DGKG: variants seen among roughly 807,000 people sequenced by gnomAD.
DGKG encodes diacylglycerol kinase gamma, also known as DAG kinase gamma.
Under a neutral mutation model 105.3 loss-of-function variants are expected in DGKG, and 78 were observed. That is an observed-to-expected ratio of 0.74 (90% CI 0.62 to 0.89). The LOEUF is 0.89. DGKG is among the 40% of genes least tolerant of loss of function. DGKG has a pLI of 0.00. For synonymous variants in DGKG, 346 were observed against 367.1 expected (o/e 0.94, Z 0.66); for missense variants, 958 against 1,020.1 (o/e 0.94, Z 0.83).
intron 11 of DGKG, among the ~76,000 whole-genome samples, chr3:186,270,340 G>C (rs1007580830): frequency 6.6e-5 from 10 of 152,246 alleles, no homozygotes; most frequent in Admixed American, 6.5e-4. Flanking sequence ...ATGTTGCCCC[G>C]GCTGGTCTCA....
intron 3 of DGKG, among the ~76,000 whole-genome samples, chr3:186,305,605 A>G (rs949771514): frequency 2.0e-5 from 3 of 152,196 alleles, no homozygotes; most frequent in Admixed American, 1.3e-4. Flanking sequence ...ATGTGTGTGA[A>G]GAATAGACTG....
At chr3:186,241,214 G>A (rs1720669364) in intron 20 of DGKG, among the ~76,000 whole-genome samples, 1 of 152,120 alleles carries the variant, frequency 6.6e-6, no homozygotes, top group South Asian at 2.1e-4. Flanking sequence ...AATGGCCAGT[G>A]ATGAAAATGA....
At chr3:186,275,213 C>T (rs1321589981) in intron 10 of DGKG, among the ~76,000 whole-genome samples, 3 of 152,162 alleles carry the variant, frequency 2.0e-5, no homozygotes, top group African/African-American at 7.2e-5. Context: ...AATAAGTTTC[C>T]TCTGAACATA....
intron 20 of DGKG, among the ~76,000 whole-genome samples, chr3:186,220,592 C>G (rs1215852039): frequency 2.0e-5 from 3 of 152,194 alleles, no homozygotes; most frequent in Non-Finnish European, 2.9e-5. Context: ...TGCCTGTGAG[C>G]TGGGTTTACT....
rs1306886682 is a variant in DGKG at position 186,149,976 on chromosome 3, G to A, written c.*114C>T. The A allele has an allele frequency of 2.8e-6, 4 of 1,454,224 alleles. No individual in the cohort carries two copies. In the East Asian group the frequency reaches 7.6e-5, roughly 28 times the overall value. The allele number at this position is 1,454,224 out of a possible 1,614,324, so 90.1% of individuals were successfully genotyped here. A position where few individuals can be genotyped will look rare whatever the true frequency, so the allele number is the denominator to read the frequency against. On this transcript the variant is annotated 3_prime_UTR_variant, in exon 25 of 25. Transcript: ENST00000265022. ...GGCTTTGCTTCCACTGGTTAGAGAA[G>A]AGTGTGTATGTGTGTGTGTGTGTGC... is the stretch of plus-strand genomic sequence containing the variant.
At chr3:186,256,695 C>T (rs1002550649) in intron 17 of DGKG, among the ~76,000 whole-genome samples, 5 of 152,220 alleles carry the variant, frequency 3.3e-5, no homozygotes, top group Admixed American at 6.5e-5. Context: ...TAGCTTTTCT[C>T]GAATCCACTC....
rs949852805 is a variant in DGKG at position 186,284,475 on chromosome 3, C to T, written c.594+185G>A. On this transcript the variant is annotated intron_variant, in intron 7 of 24. Transcript: ENST00000265022. This position sits in a 1 kb window ranked among gnomAD's most constrained non-coding sequence, Gnocchi z 4.0. ...GCGAAAAGGTAAGTTGGCATTCACG[C>T]TCTGCAAGGCCGGCCCTTTGGAAAT... Among the ~76,000 whole-genome samples, 10 of 152,182 alleles carry T rather than the reference C, an allele frequency of 6.6e-5. No individual in the cohort carries two copies. The highest frequency in any genetic ancestry group is 2.4e-4 in the African/African-American group (10 of 41,446).
At chr3:186,283,396 G>A (rs954825455) in intron 7 of DGKG, among the ~76,000 whole-genome samples, 14 of 151,844 alleles carry the variant, frequency 9.2e-5, no homozygotes, top group South Asian at 4.2e-4. Flanking sequence ...CAGGACCCTC[G>A]CACTCACTGT....
intron 5 of DGKG, among the ~76,000 whole-genome samples, chr3:186,291,834 G>A (rs1267038254): frequency 6.6e-6 from 1 of 152,098 alleles, no homozygotes; most frequent in African/African-American, 2.4e-5. Context: ...TAGTTTTACA[G>A]GTATATACGT....
At chr3:186,219,559 G>A (rs1046291814) in intron 20 of DGKG, among the ~76,000 whole-genome samples, 4 of 152,172 alleles carry the variant, frequency 2.6e-5, no homozygotes, top group African/African-American at 2.4e-5. Flanking sequence ...GTGTTGGCTC[G>A]ATGTGTTTCA....
intron 2 of DGKG, among the ~76,000 whole-genome samples, chr3:186,308,048 C>T (rs113736064): frequency 0.011 from 1,651 of 152,196 alleles, 30 homozygotes; most frequent in African/African-American, 0.037. Context: ...AGATTTTCCT[C>T]TGAAAGTTGA....
At chr3:186,189,225 C>T (rs1415706853) in intron 21 of DGKG, among the ~76,000 whole-genome samples, 5 of 152,186 alleles carry the variant, frequency 3.3e-5, no homozygotes, top group Non-Finnish European at 7.3e-5. Context: ...ATCATAAATG[C>T]AATTTTGGCA....
intron 20 of DGKG, among the ~76,000 whole-genome samples, chr3:186,225,120 G>A (rs1292333853): frequency 6.7e-6 from 1 of 148,896 alleles, no homozygotes; most frequent in East Asian, 2.0e-4. Flanking sequence ...TTTGAGACAG[G>A]GTCTCACTCC....
At chr3:186,177,384 C>T (rs1717133195) in intron 22 of DGKG, among the ~76,000 whole-genome samples, 1 of 152,172 alleles carries the variant, frequency 6.6e-6, no homozygotes, top group African/African-American at 2.4e-5. Flanking sequence ...GACTAACACA[C>T]ATGCATTTCA....
chr3:186,211,717 G>T, intron 21 of DGKG, 78 bp downstream of exon 21: 1 of 1,087,276 alleles, frequency 9.2e-7, no homozygotes, highest in South Asian at 1.3e-5. Flanking sequence ...GGTCCCAAGA[G>T]GATACATCCT....
At chr3:186,307,010 G>C in intron 2 of DGKG, 33 bp from the exon 3 acceptor site, 2 of 1,449,340 alleles carry the variant, frequency 1.4e-6, no homozygotes, top group Non-Finnish European at 1.9e-6. Flanking sequence ...TGAAACACTG[G>C]CAAATAGCTA....
At chr3:186,245,932 CA>C (rs56678357) in intron 19 of DGKG, among the ~76,000 whole-genome samples, 3,837 of 147,270 alleles carry the variant, frequency 0.026, 151 homozygotes, top group African/African-American at 0.091. Context: ...ACAACAACAA[CA>C]AAAAAAAACA....
At chr3:186,266,769 TG>T (rs1298517229) in intron 13 of DGKG, among the ~76,000 whole-genome samples, 1 of 152,140 alleles carries the variant, frequency 6.6e-6, no homozygotes, top group Non-Finnish European at 1.5e-5. Flanking sequence ...GGCTAATTTT[TG>T]TATTTTTAGT....
chr3:186,184,617 C>T (rs1194296179), intron 22 of DGKG, among the ~76,000 whole-genome samples: 1 of 152,146 alleles, frequency 6.6e-6, no homozygotes. Context: ...CCAGGCTGGT[C>T]TCAAACTCCT....
Sources: allele counts gnomAD v4.1 joint callset (sites outside exome capture counted in the v4.1 genomes callset), GRCh38; gene constraint gnomAD v4.1.1; non-coding constraint Gnocchi (gnomAD v3.1); transcripts MANE v1.5; gene names NCBI Gene and HGNC (gene_info 2026-07-23, HGNC 2026-07-21).